The following LOC400499 variants were observed in gnomAD, a reference collection of about 807,000 sequenced individuals.
chr16:11,525,656 C>T, the LOC400499 span, among the ~76,000 whole-genome samples: 8 of 152,140 alleles, frequency 5.3e-5, no homozygotes, highest in Non-Finnish European at 8.8e-5. Context: ...AACAGACAAT[C>T]CCTACATCTG....
At chr16:11,510,928 G>A in the LOC400499 span, among the ~76,000 whole-genome samples, 4 of 151,530 alleles carry the variant, frequency 2.6e-5, no homozygotes, top group East Asian at 1.9e-4. Flanking sequence ...CCTAAAGAAC[G>A]GGGCCAGGAT....
the LOC400499 span, chr16:11,461,240 G>C: frequency 8.1e-7 from 1 of 1,235,656 alleles, no homozygotes; most frequent in Non-Finnish European, 1.1e-6. Flanking sequence ...GCTCCTTGAA[G>C]AGCCAACATG....
the LOC400499 span, chr16:11,450,467 T>C: frequency 1.4e-6 from 1 of 729,170 alleles, no homozygotes; most frequent in Non-Finnish European, 2.2e-6. Flanking sequence ...ACTCTGATAG[T>C]TGCAGGCACT....
At chr16:11,456,118 C>T in the LOC400499 span, among the ~76,000 whole-genome samples, 63,748 of 150,872 alleles carry the variant, frequency 0.42, 14,102 homozygotes, top group Non-Finnish European at 0.5. Context: ...GATCTCTGCT[C>T]ACCGAAACCT....
chr16:11,448,961 C>G, the LOC400499 span: 1 of 1,504,322 alleles, frequency 6.6e-7, no homozygotes, highest in Middle Eastern at 1.8e-4. Flanking sequence ...TCAGCTCCTG[C>G]TGGGGGCCTT....
At chr16:11,451,824 A>G in the LOC400499 span, among the ~76,000 whole-genome samples, 1 of 152,158 alleles carries the variant, frequency 6.6e-6, no homozygotes, top group Non-Finnish European at 1.5e-5. Flanking sequence ...AGGGACAAAG[A>G]CACAGTGACG....
At chr16:11,417,717 G>A in the LOC400499 span, 189 of 399,190 alleles carry the variant, frequency 4.7e-4, no homozygotes, top group Non-Finnish European at 7.2e-4. Flanking sequence ...AGCTCCGGCC[G>A]GAGAGCTCCA....
the LOC400499 span, among the ~76,000 whole-genome samples, chr16:11,392,988 G>A: frequency 2.6e-5 from 4 of 152,088 alleles, no homozygotes; most frequent in Non-Finnish European, 5.9e-5. Context: ...TGAGTAGCTG[G>A]GAACTACAGG....
the LOC400499 span, among the ~76,000 whole-genome samples, chr16:11,432,580 G>C: frequency 6.6e-6 from 1 of 152,200 alleles, no homozygotes; most frequent in Non-Finnish European, 1.5e-5. Flanking sequence ...GGGTCATAAT[G>C]AGTGATTGAT....
the LOC400499 span, chr16:11,476,820 C>A: frequency 7.5e-6 from 3 of 399,244 alleles, no homozygotes; most frequent in Non-Finnish European, 1.3e-5. Context: ...CCTTAAGGAC[C>A]CGGCCCTTCT....
At chr16:11,511,882 C>T in the LOC400499 span, among the ~76,000 whole-genome samples, 1 of 151,902 alleles carries the variant, frequency 6.6e-6, no homozygotes, top group African/African-American at 2.4e-5. Flanking sequence ...TAAAAAATAG[C>T]CAGGCATGGT....
At chr16:11,477,777 G>A in the LOC400499 span, 1 of 398,426 alleles carries the variant, frequency 2.5e-6, no homozygotes, top group Admixed American at 4.4e-5. Context: ...TGTAGGGATG[G>A]GATCCCACCA....
the LOC400499 span, chr16:11,402,039 G>C: frequency 5.0e-6 from 2 of 399,190 alleles, no homozygotes; most frequent in Non-Finnish European, 8.8e-6. Context: ...ACACTTACCT[G>C]GTCCCTGCCA....
chr16:11,504,134 C>G, the LOC400499 span, among the ~76,000 whole-genome samples: 1 of 152,188 alleles, frequency 6.6e-6, no homozygotes, highest in Admixed American at 6.5e-5. Flanking sequence ...CCAGGCACGA[C>G]AGGAGGGATC....
chr16:11,390,979 G>A, the LOC400499 span, among the ~76,000 whole-genome samples: 3 of 152,306 alleles, frequency 2.0e-5, no homozygotes, highest in Admixed American at 2.0e-4. Context: ...CCTAGACTCC[G>A]CCCCAGCCCC....
the LOC400499 span, among the ~76,000 whole-genome samples, chr16:11,486,237 G>C: frequency 7.3e-6 from 1 of 136,866 alleles, no homozygotes; most frequent in Non-Finnish European, 1.5e-5. Flanking sequence ...TGTGTGGTTT[G>C]GTAAATGGAT....
the LOC400499 span, chr16:11,502,184 C>A: frequency 2.5e-6 from 1 of 398,914 alleles, no homozygotes; most frequent in Non-Finnish European, 4.4e-6. Flanking sequence ...CCATGGCCTG[C>A]GATTCAGAGG....
the LOC400499 span, chr16:11,471,841 G>A: frequency 7.5e-6 from 3 of 399,086 alleles, no homozygotes; most frequent in African/African-American, 4.1e-5. Flanking sequence ...TAAGCAGGCA[G>A]CACTGGTCAG....
At chr16:11,526,664 G>A in the LOC400499 span, among the ~76,000 whole-genome samples, 1 of 152,060 alleles carries the variant, frequency 6.6e-6, no homozygotes, top group East Asian at 1.9e-4. Context: ...AATTTCACCT[G>A]CCTTTTTAAA....
Sources: gnomAD v4.1 joint callset for allele counts (sites outside exome capture counted in the v4.1 genomes callset) on GRCh38, gnomAD v4.1.1 for gene constraint, MANE v1.5 for transcripts.